LRRC4C: variants seen among roughly 807,000 people sequenced by gnomAD.
LRRC4C encodes the protein leucine-rich repeat-containing protein 4C.
In LRRC4C, 5 loss-of-function variants were observed where a neutral mutation model predicts 33.6. That is an observed-to-expected ratio of 0.15 (90% CI 0.08 to 0.31). The LOEUF (loss-of-function observed/expected upper bound fraction) is 0.31. LRRC4C is among the 10% of genes least tolerant of loss of function. The probability of loss-of-function intolerance (pLI) is 1.00; values close to 1 mark genes in which losing one functional copy is unlikely to be tolerated. For synonymous variants in LRRC4C, 329 were observed against 302.0 expected, an observed-to-expected ratio of 1.09 and a Z score of -0.93; for missense variants, 560 against 796.7, an observed-to-expected ratio of 0.70 and a Z score of 3.58.
intron 1 of LRRC4C, among the ~76,000 whole-genome samples, chr11:41,057,881 T>C (rs1379301073): frequency 6.6e-6 from 1 of 152,142 alleles, no homozygotes; most frequent in Non-Finnish European, 1.5e-5. Context: ...CGAGAGGAGC[T>C]ACCCTCTCTG....
In LRRC4C at chr11:41,270,516, G is replaced by C. The variant is rs766700459; in HGVS notation, c.-496+188915C>G. Among the ~76,000 whole-genome samples the C allele has an allele frequency of 9.7e-4, 148 of 152,224 alleles. 1 individual carries two copies. The highest frequency in any genetic ancestry group is 1.6e-3 in the Non-Finnish European group (108 of 68,004). On this transcript the variant is annotated intron_variant, in intron 1 of 6. Transcript: ENST00000528697. Reference sequence around the variant, plus strand: ...AGGCATGGGCCCACTTAAAAAGGCAGGGTCTGCTCTTGGGGTCTGCCTCTT... The same window carrying C: ...AGGCATGGGCCCACTTAAAAAGGCACGGTCTGCTCTTGGGGTCTGCCTCTT...
At chr11:41,106,707 A>G (rs576930704) in intron 1 of LRRC4C, among the ~76,000 whole-genome samples, 2 of 152,182 alleles carry the variant, frequency 1.3e-5, no homozygotes, top group South Asian at 4.1e-4. Flanking sequence ...GTACGGGTTG[A>G]GTATCCTTAC....
intron 1 of LRRC4C, among the ~76,000 whole-genome samples, chr11:41,026,928 C>A (rs1211295950): frequency 6.6e-6 from 1 of 151,584 alleles, no homozygotes; most frequent in Non-Finnish European, 1.5e-5. Flanking sequence ...TCTTTTGCAA[C>A]TGGATTTATT....
intron 2 of LRRC4C, among the ~76,000 whole-genome samples, chr11:40,792,710 C>T (rs1241191758): frequency 2.0e-5 from 3 of 152,070 alleles, no homozygotes; most frequent in Admixed American, 6.6e-5. Flanking sequence ...CAGCAATATT[C>T]ACAATAGCAA....
intron 1 of LRRC4C, among the ~76,000 whole-genome samples, chr11:41,214,815 A>T (rs192371283): frequency 6.8e-6 from 1 of 146,004 alleles, no homozygotes; most frequent in Non-Finnish European, 1.5e-5. Context: ...GTGTGTGTGT[A>T]TATATATATT....
At chr11:40,118,057 A>C (rs117514718) in intron 6 of LRRC4C, among the ~76,000 whole-genome samples, 3,265 of 148,784 alleles carry the variant, frequency 0.022, 65 homozygotes, top group Non-Finnish European at 0.035. Flanking sequence ...TATAAATAGT[A>C]GTAATCATAC....
chr11:41,204,257 A>T (rs1447954039), intron 1 of LRRC4C, among the ~76,000 whole-genome samples: 1 of 152,250 alleles, frequency 6.6e-6, no homozygotes, highest in African/African-American at 2.4e-5. Flanking sequence ...GACAGAGGAA[A>T]TAATGAAATA....
At chr11:40,478,883 A>G (rs1244947045) in intron 3 of LRRC4C, among the ~76,000 whole-genome samples, 3 of 152,220 alleles carry the variant, frequency 2.0e-5, no homozygotes, top group Non-Finnish European at 1.5e-5. Flanking sequence ...AAATACTAAT[A>G]AAGCTTTGGA....
At chr11:40,881,016 T>A (rs1039680907) in intron 2 of LRRC4C, among the ~76,000 whole-genome samples, 1 of 151,946 alleles carries the variant, frequency 6.6e-6, no homozygotes, top group Non-Finnish European at 1.5e-5. Flanking sequence ...TTCTTGCTTA[T>A]TGCATTATGA....
At chr11:40,931,919 G>A (rs1206333937) in intron 2 of LRRC4C, among the ~76,000 whole-genome samples, 3 of 152,032 alleles carry the variant, frequency 2.0e-5, no homozygotes, top group Admixed American at 1.3e-4. Flanking sequence ...CGATCCTTCA[G>A]TACTTAAATC....
chr11:41,144,715 T>C (rs1943656561), intron 1 of LRRC4C, among the ~76,000 whole-genome samples: 1 of 152,172 alleles, frequency 6.6e-6, no homozygotes, highest in African/African-American at 2.4e-5. Context: ...TTACATTTAA[T>C]TGTATGGAAG....
intron 1 of LRRC4C, among the ~76,000 whole-genome samples, chr11:41,408,755 A>AAAAAAAAAAAAAAAAAAAAAAC (rs1191106845): frequency 6.8e-6 from 1 of 148,014 alleles, no homozygotes; most frequent in African/African-American, 2.7e-5. Context: ...TGTAAAAAAA[A>AAAAAAAAAAAAAAAAAAAAAAC]AAAAAAAAAA....
intron 3 of LRRC4C, among the ~76,000 whole-genome samples, chr11:40,604,837 G>A (rs1219755228): frequency 6.6e-6 from 1 of 151,916 alleles, no homozygotes; most frequent in Non-Finnish European, 1.5e-5. Flanking sequence ...GAAAGAAAAA[G>A]AATAAAAATA....
At chr11:40,768,179 G>T (rs1489259891) in intron 2 of LRRC4C, among the ~76,000 whole-genome samples, 3 of 151,906 alleles carry the variant, frequency 2.0e-5, no homozygotes, top group Non-Finnish European at 4.4e-5. Context: ...TCAGAGAATG[G>T]TATGTGAAAC....
At chr11:40,848,486 T>A (rs530883397) in intron 2 of LRRC4C, among the ~76,000 whole-genome samples, 2 of 152,336 alleles carry the variant, frequency 1.3e-5, no homozygotes, top group Admixed American at 1.3e-4. Flanking sequence ...AGTTCTAATT[T>A]CATTGCACTG....
At chr11:40,688,125 T>C (rs1328905318) in intron 2 of LRRC4C, among the ~76,000 whole-genome samples, 3 of 152,144 alleles carry the variant, frequency 2.0e-5, no homozygotes, top group Admixed American at 6.6e-5. Flanking sequence ...TTATGCAGCA[T>C]TACAAATTCA....
At chr11:40,140,529 G>C (rs569536781) in intron 6 of LRRC4C, among the ~76,000 whole-genome samples, 1 of 152,210 alleles carries the variant, frequency 6.6e-6, no homozygotes, top group East Asian at 1.9e-4. Context: ...GAGTCAAGCA[G>C]GGAACATGAG....
chr11:40,397,854 A>G (rs1211060042), intron 3 of LRRC4C, among the ~76,000 whole-genome samples: 1 of 152,164 alleles, frequency 6.6e-6, no homozygotes, highest in Non-Finnish European at 1.5e-5. Flanking sequence ...AAGGTTGTAG[A>G]AAAATAAGCA....
At chr11:41,282,941 A>G (rs1383930850) in intron 1 of LRRC4C, among the ~76,000 whole-genome samples, 1 of 152,166 alleles carries the variant, frequency 6.6e-6, no homozygotes, top group African/African-American at 2.4e-5. Flanking sequence ...GAAAAATCAC[A>G]CCAGAGCCAA....
Sources: gnomAD v4.1 joint callset for allele counts (sites outside exome capture counted in the v4.1 genomes callset) on GRCh38, gnomAD v4.1.1 for gene constraint, MANE v1.5 for transcripts, NCBI Gene and HGNC (gene_info 2026-07-23, HGNC 2026-07-21) for gene names.